The following COXFA4 variants were observed in gnomAD, a reference collection of about 807,000 sequenced individuals.
COXFA4 encodes the protein cytochrome c oxidase subunit FA4.
At chr7:10,939,087 T>C in the COXFA4 span, 28 of 525,280 alleles carry the variant, frequency 5.3e-5, 1 homozygote, top group South Asian at 5.7e-4. Context: ...AAGAAAGAAA[T>C]GGAATTTGGA....
the COXFA4 span, chr7:10,937,932 G>A: frequency 1.6e-6 from 1 of 638,578 alleles, no homozygotes. Flanking sequence ...ATTTATTAGA[G>A]CAATATACCA....
the COXFA4 span, chr7:10,938,736 G>C: frequency 9.7e-7 from 1 of 1,031,998 alleles, no homozygotes; most frequent in East Asian, 2.4e-5. Context: ...TAATGTTATC[G>C]CCCTACAGAG....
At chr7:10,936,078 C>G in the COXFA4 span, among the ~76,000 whole-genome samples, 1 of 152,160 alleles carries the variant, frequency 6.6e-6, no homozygotes, top group African/African-American at 2.4e-5. Flanking sequence ...AAAACATATT[C>G]TCTTAGGTGA....
the COXFA4 span, among the ~76,000 whole-genome samples, chr7:10,937,459 T>G: frequency 2.5e-4 from 38 of 152,176 alleles, no homozygotes; most frequent in African/African-American, 8.9e-4. Context: ...ATTTTTGTAT[T>G]TTTAGTAGAG....
chr7:10,940,132 C>T, the COXFA4 span: 9 of 1,423,996 alleles, frequency 6.3e-6, no homozygotes, highest in African/African-American at 9.9e-5. Context: ...AAATTATCTG[C>T]AATGAGACAC....
the COXFA4 span, among the ~76,000 whole-genome samples, chr7:10,935,101 G>A: frequency 6.6e-6 from 1 of 152,162 alleles, no homozygotes; most frequent in African/African-American, 2.4e-5. Flanking sequence ...TATAAAAGAG[G>A]TAATTGAGAT....
the COXFA4 span, among the ~76,000 whole-genome samples, chr7:10,935,293 G>A: frequency 6.6e-6 from 1 of 152,140 alleles, no homozygotes; most frequent in Non-Finnish European, 1.5e-5. Context: ...CTTTTTCTCA[G>A]TTTAATGCTG....
chr7:10,938,557 A>G, the COXFA4 span: 4 of 453,954 alleles, frequency 8.8e-6, no homozygotes, highest in African/African-American at 5.8e-5. Flanking sequence ...TTTTATGTCA[A>G]TCCTCAAAAC....
the COXFA4 span, among the ~76,000 whole-genome samples, chr7:10,934,909 G>C: frequency 6.6e-6 from 1 of 152,094 alleles, no homozygotes; most frequent in Non-Finnish European, 1.5e-5. Flanking sequence ...AAAAGAAAAA[G>C]AAACTACTTG....
the COXFA4 span, chr7:10,939,838 T>C: frequency 1.3e-6 from 1 of 757,818 alleles, no homozygotes; most frequent in Non-Finnish European, 2.3e-6. Flanking sequence ...CCACAATGCA[T>C]GGCGTAGAGG....
chr7:10,937,142 T>C, the COXFA4 span, among the ~76,000 whole-genome samples: 8 of 152,060 alleles, frequency 5.3e-5, no homozygotes, highest in African/African-American at 1.7e-4. Flanking sequence ...TTCTTCAGAG[T>C]GATAAATCAA....
At chr7:10,937,963 C>G in the COXFA4 span, 1 of 762,554 alleles carries the variant, frequency 1.3e-6, no homozygotes, top group South Asian at 1.5e-5. Flanking sequence ...ACAGAACTAC[C>G]TAACAGCTCT....
the COXFA4 span, among the ~76,000 whole-genome samples, chr7:10,937,202 C>T: frequency 6.6e-6 from 1 of 152,014 alleles, no homozygotes; most frequent in Non-Finnish European, 1.5e-5. Flanking sequence ...ATGGAAAGTG[C>T]ATTGAGTGAG....
At chr7:10,938,589 A>G in the COXFA4 span, 2 of 503,302 alleles carry the variant, frequency 4.0e-6, no homozygotes, top group Admixed American at 6.7e-5. Context: ...TGGTATTAGC[A>G]GTTCTACTTT....
At chr7:10,938,549 T>C in the COXFA4 span, 13 of 445,968 alleles carry the variant, frequency 2.9e-5, no homozygotes, top group Admixed American at 4.8e-4. Context: ...ACAATTATTT[T>C]TATGTCAATC....
At chr7:10,937,515 T>G in the COXFA4 span, among the ~76,000 whole-genome samples, 1 of 152,148 alleles carries the variant, frequency 6.6e-6, no homozygotes, top group Non-Finnish European at 1.5e-5. Flanking sequence ...GCTCCTGATC[T>G]CAAGTGATCT....
At chr7:10,935,121 C>T in the COXFA4 span, among the ~76,000 whole-genome samples, 273 of 152,336 alleles carry the variant, frequency 1.8e-3, no homozygotes, top group African/African-American at 6.1e-3. Flanking sequence ...TCAAGTTCTA[C>T]GATTTGCAGG....
the COXFA4 span, chr7:10,938,234 T>C: frequency 4.2e-6 from 5 of 1,193,596 alleles, no homozygotes; most frequent in Admixed American, 9.3e-5. Context: ...AACAGATCAA[T>C]CTTATTTTCT....
At chr7:10,933,624 GA>G in the COXFA4 span, 7 of 1,604,392 alleles carry the variant, frequency 4.4e-6, no homozygotes, top group South Asian at 1.1e-5. Context: ...GCGTTATAGT[GA>G]AACATTTCAT....
Sources: allele counts gnomAD v4.1 joint callset (sites outside exome capture counted in the v4.1 genomes callset), GRCh38; gene constraint gnomAD v4.1.1; transcripts MANE v1.5; gene names NCBI Gene and HGNC (gene_info 2026-07-23, HGNC 2026-07-21).